GXYLT2: variants seen among roughly 807,000 people sequenced by gnomAD.
GXYLT2 encodes the protein glycosyltransferase 8 domain containing 4.
In GXYLT2, 53 loss-of-function variants were observed where a neutral mutation model predicts 45.8. The observed-to-expected ratio is 1.16, with a 90% CI of 0.93 to 1.46. GXYLT2 has a LOEUF of 1.46. GXYLT2 is among the 40% of genes most tolerant of loss of function. GXYLT2 has a pLI of 0.00. For synonymous variants in GXYLT2, 219 were observed against 214.2 expected, an observed-to-expected ratio of 1.02 and a Z score of -0.19; for missense variants, 551 against 544.4, an observed-to-expected ratio of 1.01 and a Z score of -0.12.
intron 3 of GXYLT2, among the ~76,000 whole-genome samples, chr3:72,924,437 CA>C (rs1709882743): frequency 6.6e-6 from 1 of 152,038 alleles, no homozygotes; most frequent in Non-Finnish European, 1.5e-5. Context: ...CTCCTGGGCT[CA>C]AGCGGTCCTC....
At chr3:72,909,055 TTCCTTTC>T (rs1268051867) in intron 2 of GXYLT2, among the ~76,000 whole-genome samples, 3 of 141,528 alleles carry the variant, frequency 2.1e-5, no homozygotes, top group Non-Finnish European at 3.0e-5. Context: ...TCTTTCTTTC[TTCCTTTC>T]TTTTTTTTTT....
intron 1 of GXYLT2, among the ~76,000 whole-genome samples, chr3:72,890,368 C>T (rs1261072202): frequency 2.0e-5 from 3 of 152,240 alleles, no homozygotes; most frequent in African/African-American, 4.8e-5. Flanking sequence ...TGTTTTAACA[C>T]GTCCCTCCCA....
At chr3:72,922,128 C>A in intron 2 of GXYLT2, 76 bp from the exon 3 acceptor site, 2 of 1,331,440 alleles carry the variant, frequency 1.5e-6, no homozygotes, top group Non-Finnish European at 2.1e-6. Flanking sequence ...TCCATTTGAC[C>A]ATCCAGAAGC....
At chr3:72,957,156 CT>C in intron 4 of GXYLT2, 72 bp from the exon 5 acceptor site, 1 of 1,469,838 alleles carries the variant, frequency 6.8e-7, no homozygotes, top group Non-Finnish European at 9.2e-7. Flanking sequence ...AAACTAGTCC[CT>C]TTACATTGTT....
rs994596477 is a variant in GXYLT2 at position 72,888,217 on chromosome 3, C to A, written c.-17C>A. The A allele has an allele frequency of 1.9e-3, 1,856 of 989,112 alleles. 2 individuals carry two copies. Among genetic ancestry groups the A allele is most frequent in the Middle Eastern group, 8.7e-3 (17 of 1,946 alleles). 61.3% of individuals were successfully genotyped at this position (989,112 alleles called of 1,614,324 possible). On this transcript the variant is annotated 5_prime_UTR_variant, in exon 1 of 7. Coordinates refer to ENST00000389617, the MANE Select transcript of GXYLT2 (RefSeq NM_001080393.2). Reference sequence around the variant, plus strand: ...GGCCGAGCCGCCTGGGGGCCGCCGCCGCCGCCGCGCCGCACCATGAAGCTC... The same window carrying A: ...GGCCGAGCCGCCTGGGGGCCGCCGCAGCCGCCGCGCCGCACCATGAAGCTC...
chr3:72,918,055 G>A (rs1709771007), intron 2 of GXYLT2, among the ~76,000 whole-genome samples: 1 of 152,082 alleles, frequency 6.6e-6, no homozygotes, highest in African/African-American at 2.4e-5. Flanking sequence ...AGGCTGTATG[G>A]TCTCTATCCC....
intron 5 of GXYLT2, among the ~76,000 whole-genome samples, chr3:72,964,165 G>A (rs774386484): frequency 3.0e-4 from 46 of 152,136 alleles, no homozygotes; most frequent in Admixed American, 2.6e-4. Flanking sequence ...AACTTACCAC[G>A]ATTATAGAGC....
At chr3:72,973,497 T>C (rs1232325464) in intron 6 of GXYLT2, among the ~76,000 whole-genome samples, 1 of 152,214 alleles carries the variant, frequency 6.6e-6, no homozygotes, top group Non-Finnish European at 1.5e-5. Flanking sequence ...TGATAGGCTC[T>C]GATTTATGAT....
intron 6 of GXYLT2, among the ~76,000 whole-genome samples, chr3:72,971,847 G>A (rs960453977): frequency 1.7e-5 from 2 of 120,570 alleles, no homozygotes; most frequent in African/African-American, 2.5e-5. Flanking sequence ...TACTTGGGAG[G>A]CTGAGGTAGG....
chr3:72,899,496 TTTAAC>T (rs1709360451), intron 1 of GXYLT2, among the ~76,000 whole-genome samples: 2 of 152,210 alleles, frequency 1.3e-5, no homozygotes, highest in African/African-American at 2.4e-5. Context: ...TTAAAAGTGA[TTTAAC>T]TGTTAGCAAA....
intron 3 of GXYLT2, among the ~76,000 whole-genome samples, chr3:72,954,854 T>C (rs115410583): frequency 0.014 from 2,058 of 152,192 alleles, 50 homozygotes; most frequent in African/African-American, 0.047. Context: ...GGTCCCAGAA[T>C]TGGGCTAATC....
chr3:72,967,835 G>C (rs1312105616), intron 6 of GXYLT2, 116 bp downstream of exon 6: 1 of 794,350 alleles, frequency 1.3e-6, no homozygotes, highest in African/African-American at 1.7e-5. Context: ...AGTTATACCA[G>C]TTATTCCCGA....
At chr3:72,898,822 T>C (rs1709344231) in intron 1 of GXYLT2, among the ~76,000 whole-genome samples, 2 of 152,046 alleles carry the variant, frequency 1.3e-5, no homozygotes, top group African/African-American at 4.8e-5. Context: ...ACCTCCGCCT[T>C]CCGGGTTAAA....
chr3:72,960,694 C>T lies in GXYLT2; in HGVS notation c.976+3342C>T, dbSNP rs148891037. On this transcript the variant is annotated intron_variant, in intron 5 of 6. Transcript: ENST00000389617. Reference sequence around the variant, plus strand: ...TACTTTACCCAGGTACTTGATTAAACATGGGATCTTTGAACTGAGATCCAG... The same window carrying T: ...TACTTTACCCAGGTACTTGATTAAATATGGGATCTTTGAACTGAGATCCAG... 4.3e-4 allele frequency among the ~76,000 whole-genome samples: 66 copies of T among 152,260 alleles called. No homozygotes were observed. In the East Asian group the frequency reaches 0.01, roughly 23 times the overall value.
intron 3 of GXYLT2, among the ~76,000 whole-genome samples, chr3:72,935,591 GATA>G (rs1486702961): frequency 6.6e-6 from 1 of 152,146 alleles, no homozygotes; most frequent in African/African-American, 2.4e-5. Context: ...TGAAATAGAA[GATA>G]ATATTAGCTA....
chr3:72,922,263 A>G lies in GXYLT2; in HGVS notation c.528A>G (p.Thr176=), dbSNP rs61741329. 5.6e-3 allele frequency: 8,970 copies of G among 1,613,666 alleles called. 430 individuals carry two copies. The African/African-American group carries it at 0.1, about 18-fold the overall frequency. The change falls in exon 3 of 7, where the codon ACA becomes ACG. Residue 176 remains threonine, a synonymous_variant. Transcript: ENST00000389617. ...TTGAGCACAGAATCTACCCCATCACATTTTCTGTTGGAAACCCTCAGGAGT... is the reference window on the plus strand; with the variant it reads ...TTGAGCACAGAATCTACCCCATCACGTTTTCTGTTGGAAACCCTCAGGAGT... ...KKFEHRIYPI[T]FSVGNPQEWK... is the part of the protein sequence containing the mutation.
At chr3:72,900,207 TTTAA>T (rs1204231556) in intron 1 of GXYLT2, among the ~76,000 whole-genome samples, 2 of 152,164 alleles carry the variant, frequency 1.3e-5, no homozygotes, top group African/African-American at 2.4e-5. Context: ...GAAATTGAAG[TTTAA>T]TTAAGTCGCA....
chr3:72,914,625 G>C (rs1408648473), intron 2 of GXYLT2, among the ~76,000 whole-genome samples: 3 of 152,152 alleles, frequency 2.0e-5, no homozygotes, highest in African/African-American at 7.2e-5. Flanking sequence ...GGCAAGAAGA[G>C]AGCTGCCATG....
chr3:72,911,253 G>A (rs1322231553), intron 2 of GXYLT2, among the ~76,000 whole-genome samples: 1 of 152,090 alleles, frequency 6.6e-6, no homozygotes, highest in Non-Finnish European at 1.5e-5. Context: ...TTGTGCCATT[G>A]CACTCTAGCC....
Sources: gnomAD v4.1 joint callset for allele counts (sites outside exome capture counted in the v4.1 genomes callset) on GRCh38, gnomAD v4.1.1 for gene constraint, MANE v1.5 for transcripts, NCBI Gene and HGNC (gene_info 2026-07-23, HGNC 2026-07-21) for gene names.